Variants in RASSF2 observed in about 807,000 individuals in gnomAD.
RASSF2 encodes the protein Ras association domain family member 2, also known as ras association domain-containing protein 2.
Under a neutral mutation model 46.3 loss-of-function variants are expected in RASSF2, and 34 were observed. The observed-to-expected ratio is 0.73, with a 90% CI of 0.56 to 0.98. The LOEUF is 0.98. Ranked by LOEUF, RASSF2 falls within the 50% of genes least tolerant of loss-of-function variation. The pLI, the probability that RASSF2 is intolerant of heterozygous loss-of-function variation, is 0.00. For synonymous variants in RASSF2, 158 were observed against 162.5 expected, an observed-to-expected ratio of 0.97 and a Z score of 0.21; for missense variants, 364 against 431.2, an observed-to-expected ratio of 0.84 and a Z score of 1.38.
intron 2 of RASSF2, among the ~76,000 whole-genome samples, chr20:4,819,047 C>G (rs1420397222): frequency 6.6e-6 from 1 of 152,172 alleles, no homozygotes; most frequent in Non-Finnish European, 1.5e-5. Flanking sequence ...ACTGCAACCT[C>G]CGCCTTCCAG....
At chr20:4,801,283 C>T (rs570311803) in intron 2 of RASSF2, among the ~76,000 whole-genome samples, 1 of 152,140 alleles carries the variant, frequency 6.6e-6, no homozygotes, top group South Asian at 2.1e-4. Context: ...AAAGGAAAGA[C>T]GACAACCCTT....
chr20:4,792,116 T>C (rs1348998057), intron 6 of RASSF2, among the ~76,000 whole-genome samples: 7 of 151,852 alleles, frequency 4.6e-5, no homozygotes, highest in African/African-American at 1.5e-4. Context: ...CTGGGCATGG[T>C]GGCCCATGCC....
At chr20:4,786,364 T>C (rs1436258441) in intron 10 of RASSF2, 36 bp from the exon 11 acceptor site, 1 of 1,460,596 alleles carries the variant, frequency 6.8e-7, no homozygotes, top group East Asian at 2.3e-5. Flanking sequence ...TGAATGCCCT[T>C]CCCAGCATTA....
chr20:4,789,740 G>A (rs759420164), intron 7 of RASSF2, 43 bp from the exon 8 acceptor site: 3 of 1,536,866 alleles, frequency 2.0e-6, no homozygotes, highest in Non-Finnish European at 2.7e-6. Context: ...GTGGGAACAA[G>A]GACCCAGTGC....
chr20:4,790,415 G>T lies in RASSF2; in HGVS notation c.537+36C>A. ...CTGAGGTGGCATCTACCCAGGAAGA[G>T]GTCTTCCACCCTCCCCGTCCCCCTG... On this transcript the variant is annotated intron_variant, in intron 7 of 11. Transcript: ENST00000379400. This position sits in a 1 kb window ranked among gnomAD's most constrained non-coding sequence, Gnocchi z 4.3. 7.0e-7 allele frequency: 1 copy of T among 1,421,722 alleles called. No homozygotes were observed. Among genetic ancestry groups the T allele is most frequent in the Non-Finnish European group, 9.2e-7 (1 of 1,085,496 alleles). 88.1% of individuals were successfully genotyped at this position (1,421,722 alleles called of 1,614,324 possible).
intron 2 of RASSF2, among the ~76,000 whole-genome samples, chr20:4,803,599 A>T (rs1601115626): frequency 6.6e-6 from 1 of 151,638 alleles, no homozygotes. Flanking sequence ...ACAAAAAAAA[A>T]TTTAAAAATT....
chr20:4,816,070 G>C (rs1038556520), intron 2 of RASSF2, among the ~76,000 whole-genome samples: 1 of 152,226 alleles, frequency 6.6e-6, no homozygotes, highest in Admixed American at 6.5e-5. Flanking sequence ...GGGAGGCCGA[G>C]ACGGGAGGAT....
intron 5 of RASSF2, among the ~76,000 whole-genome samples, chr20:4,794,319 G>A (rs950173114): frequency 2.6e-5 from 4 of 152,024 alleles, no homozygotes; most frequent in Admixed American, 6.5e-5. Flanking sequence ...CTGTGGTCCC[G>A]GAACTTTGGG....
intron 2 of RASSF2, among the ~76,000 whole-genome samples, chr20:4,811,114 C>T (rs751042398): frequency 6.6e-6 from 1 of 150,760 alleles, no homozygotes; most frequent in Non-Finnish European, 1.5e-5. Flanking sequence ...AATTGCAGCA[C>T]AGCACAAGGA....
chr20:4,784,423 A>C, intron 11 of RASSF2, 81 bp from the exon 12 acceptor site: 9 of 1,329,840 alleles, frequency 6.8e-6, no homozygotes, highest in Non-Finnish European at 9.7e-6. Context: ...CCTGGGTAAC[A>C]CCAAGGTCAC....
At chr20:4,798,109 T>C (rs1926511734) in intron 3 of RASSF2, 24 bp from the exon 4 acceptor site, 1 of 1,612,444 alleles carries the variant, frequency 6.2e-7, no homozygotes, top group South Asian at 1.1e-5. Flanking sequence ...ATAGAAGAGA[T>C]ATAACATTAT....
intron 2 of RASSF2, among the ~76,000 whole-genome samples, chr20:4,804,979 G>C (rs971048228): frequency 6.6e-6 from 1 of 151,966 alleles, no homozygotes; most frequent in Non-Finnish European, 1.5e-5. Flanking sequence ...CAAAGATGAG[G>C]GGCGAGTAGG....
chr20:4,814,704 A>G (rs1238412104), intron 2 of RASSF2, among the ~76,000 whole-genome samples: 6 of 152,076 alleles, frequency 3.9e-5, no homozygotes, highest in Admixed American at 3.9e-4. Context: ...ACCCTCCTTT[A>G]ACCTTGAGTT....
intron 11 of RASSF2, among the ~76,000 whole-genome samples, chr20:4,785,745 G>A (rs982484965): frequency 3.3e-5 from 5 of 152,022 alleles, no homozygotes; most frequent in Non-Finnish European, 5.9e-5. Flanking sequence ...GGCAAGGGGT[G>A]GTAACACTAG....
At position 4,792,532 on chromosome 20, in the gene RASSF2, C is replaced by T; in HGVS notation, c.376+7G>A. The T allele has an allele frequency of 6.2e-7, 1 of 1,614,120 alleles. No individual in the cohort carries two copies. Among genetic ancestry groups the T allele is most frequent in the South Asian group, 1.1e-5 (1 of 91,068 alleles). ...CCTAGCTGGAAGTACCTTCCACTCA[C>T]ATGTACCTGTGGAGCTTGGCATCTG... On this transcript the variant is annotated splice_region_variant and intron_variant, in intron 6 of 11. Coordinates refer to ENST00000379400, the MANE Select transcript of RASSF2 (RefSeq NM_014737.3).
rs1924838789 is a variant in RASSF2, at chr20:4,781,688, G to A, written c.*2585C>T. 6.6e-6 allele frequency: 1 copy of A among 152,150 alleles called. No homozygotes were observed. The highest frequency in any genetic ancestry group is 1.5e-5 in the Non-Finnish European group (1 of 68,030). 9.4% of individuals were successfully genotyped at this position (152,150 alleles called of 1,614,324 possible). ...TCACCTTGTAACATAAGCCCCTCCC[G>A]GGGTGGGGGTGGTGGGGAGACAGAT... On this transcript the variant is annotated 3_prime_UTR_variant, in exon 12 of 12. Transcript: ENST00000379400.
At chr20:4,800,897 C>G in intron 3 of RASSF2, 75 bp downstream of exon 3, 1 of 1,271,104 alleles carries the variant, frequency 7.9e-7, no homozygotes, top group South Asian at 1.2e-5. Flanking sequence ...CCTCTGCCAG[C>G]GGCTGCCGTC....
At chr20:4,809,633 G>A (rs1427994445) in intron 2 of RASSF2, among the ~76,000 whole-genome samples, 1 of 152,226 alleles carries the variant, frequency 6.6e-6, no homozygotes, top group African/African-American at 2.4e-5. Context: ...GATGGGATCA[G>A]CAGTCTGTCC....
intron 6 of RASSF2, among the ~76,000 whole-genome samples, chr20:4,792,256 A>AGGAGGGGAGGGGAGG (rs376549381): frequency 3.1e-4 from 11 of 35,454 alleles, no homozygotes; most frequent in African/African-American, 1.2e-3. Context: ...GGAAGGGGAG[A>AGGAGGGGAGGGGAGG]GGAGGGGAGG....
Sources: gnomAD v4.1 joint callset for allele counts (sites outside exome capture counted in the v4.1 genomes callset) on GRCh38, gnomAD v4.1.1 for gene constraint, Gnocchi (gnomAD v3.1) non-coding constraint, MANE v1.5 for transcripts, NCBI Gene and HGNC (gene_info 2026-07-23, HGNC 2026-07-21) for gene names.